The following FRMD6 variants were observed in gnomAD, a reference collection of about 807,000 sequenced individuals.
FRMD6 encodes FERM domain-containing protein 6.
Under a neutral mutation model 73.2 loss-of-function variants are expected in FRMD6, and 37 were observed. The ratio of observed to expected loss-of-function variants is 0.51; its 90% CI spans 0.39 to 0.66. FRMD6 has a LOEUF of 0.66. Among genes scored for constraint, FRMD6 ranks in the 30% least tolerant of loss-of-function variants. The pLI is 0.00. For synonymous variants in FRMD6, 273 were observed against 282.2 expected, an observed-to-expected ratio of 0.97 and a Z score of 0.33; for missense variants, 714 against 780.5, an observed-to-expected ratio of 0.91 and a Z score of 1.02.
At chr14:51,600,456 G>A (rs1889977376) in intron 2 of FRMD6, among the ~76,000 whole-genome samples, 1 of 152,178 alleles carries the variant, frequency 6.6e-6, no homozygotes, top group Non-Finnish European at 1.5e-5. Flanking sequence ...ATTACCAAAG[G>A]GAGAAGAGTT....
At chr14:51,721,077 G>C (rs182077650) in intron 11 of FRMD6, among the ~76,000 whole-genome samples, 138 of 152,268 alleles carry the variant, frequency 9.1e-4, no homozygotes, top group Middle Eastern at 6.8e-3. Context: ...TGTAGAATTT[G>C]TGTGGCTCTC....
intron 1 of FRMD6, among the ~76,000 whole-genome samples, chr14:51,564,016 A>G (rs959362186): frequency 6.6e-6 from 1 of 152,054 alleles, no homozygotes; most frequent in Non-Finnish European, 1.5e-5. Context: ...ATTACGGAAA[A>G]TTTCTTTCTG....
intron 1 of FRMD6, among the ~76,000 whole-genome samples, chr14:51,567,218 C>T (rs1215996266): frequency 6.6e-6 from 1 of 152,154 alleles, no homozygotes; most frequent in African/African-American, 2.4e-5. Context: ...TAAAATCTTC[C>T]AAGTTGTTAA....
intron 1 of FRMD6, among the ~76,000 whole-genome samples, chr14:51,553,370 C>G (rs1886946907): frequency 1.3e-5 from 2 of 152,184 alleles, no homozygotes; most frequent in South Asian, 4.1e-4. Context: ...CATCAAAACA[C>G]AAGCAGCAGA....
chr14:51,583,055 A>C (rs964707937), intron 2 of FRMD6, among the ~76,000 whole-genome samples: 1 of 152,210 alleles, frequency 6.6e-6, no homozygotes, highest in African/African-American at 2.4e-5. Context: ...TTTTCATTTT[A>C]TTATGTATTG....
At chr14:51,693,836 C>T (rs528388318) in intron 2 of FRMD6, among the ~76,000 whole-genome samples, 4 of 152,232 alleles carry the variant, frequency 2.6e-5, no homozygotes, top group African/African-American at 9.6e-5. Flanking sequence ...CTCCAGTAAG[C>T]GGTTGGACCA....
chr14:51,662,605 T>C (rs1480005317), intron 1 of FRMD6, among the ~76,000 whole-genome samples: 1 of 152,124 alleles, frequency 6.6e-6, no homozygotes, highest in African/African-American at 2.4e-5. Context: ...ATACACAAGA[T>C]TGAAATTGGA....
At chr14:51,513,037 A>G (rs553146287) in intron 1 of FRMD6, among the ~76,000 whole-genome samples, 8 of 152,306 alleles carry the variant, frequency 5.3e-5, no homozygotes, top group African/African-American at 1.9e-4. Context: ...CACTCTCTCA[A>G]AATTAGGAGG....
the FRMD6 span, among the ~76,000 whole-genome samples, chr14:51,421,166 C>T: frequency 2.0e-5 from 3 of 152,162 alleles, no homozygotes; most frequent in African/African-American, 7.2e-5. Context: ...GACAACTGTA[C>T]TGTATGTGTG....
At chr14:51,697,856 A>G (rs546011781) in intron 2 of FRMD6, 1 of 230,912 alleles carries the variant, frequency 4.3e-6, no homozygotes, top group Non-Finnish European at 8.5e-6. Flanking sequence ...TACTTTCTGA[A>G]ACTCATTTAT....
At chr14:51,455,214 C>G in the FRMD6 span, among the ~76,000 whole-genome samples, 5 of 152,162 alleles carry the variant, frequency 3.3e-5, no homozygotes, top group Non-Finnish European at 7.3e-5. Context: ...ATAGAGTATG[C>G]CTCCTAAGCT....
chr14:51,434,187 G>T, the FRMD6 span, among the ~76,000 whole-genome samples: 1 of 152,050 alleles, frequency 6.6e-6, no homozygotes, highest in Non-Finnish European at 1.5e-5. Context: ...TACACAGGTG[G>T]CATAAAGAAG....
intron 2 of FRMD6, among the ~76,000 whole-genome samples, chr14:51,591,688 G>A (rs10147115): frequency 0.022 from 3,373 of 152,160 alleles, 138 homozygotes; most frequent in African/African-American, 0.078. Context: ...GATTACAGGT[G>A]TGCGCCACCA....
intron 2 of FRMD6, among the ~76,000 whole-genome samples, chr14:51,595,741 C>T (rs1184673008): frequency 1.3e-5 from 2 of 152,170 alleles, no homozygotes; most frequent in African/African-American, 2.4e-5. Flanking sequence ...TTCCATATGG[C>T]TATAGACTAT....
the FRMD6 span, among the ~76,000 whole-genome samples, chr14:51,425,314 C>A: frequency 6.6e-6 from 1 of 152,116 alleles, no homozygotes; most frequent in East Asian, 1.9e-4. Flanking sequence ...GGACCTGTGA[C>A]CCCCTGAGGA....
intron 1 of FRMD6, among the ~76,000 whole-genome samples, chr14:51,540,080 G>A (rs1886122335): frequency 6.6e-6 from 1 of 152,142 alleles, no homozygotes; most frequent in South Asian, 2.1e-4. Context: ...AGTGGCAATA[G>A]TTAGAACGTG....
At chr14:51,544,576 T>C (rs1886364930) in intron 1 of FRMD6, among the ~76,000 whole-genome samples, 1 of 151,926 alleles carries the variant, frequency 6.6e-6, no homozygotes, top group Non-Finnish European at 1.5e-5. Context: ...ATTCCTCACG[T>C]TTGTGTCATG....
rs1206936626 is a variant in FRMD6 at position 51,730,151 on chromosome 14, TAAAG to T, written c.*2126_*2129del. On this transcript the variant is annotated 3_prime_UTR_variant, in exon 14 of 14. Coordinates refer to ENST00000344768, the MANE Select transcript of FRMD6 (RefSeq NM_001267046.2). ...AAAAGACATATTTAAGAAAGAAAGA[TAAAG>T]AAAAAACATATTTAATTACTGTAAA... 1 of 152,152 alleles carries T rather than the reference TAAAG, an allele frequency of 6.6e-6. No individual in the cohort carries two copies. The highest frequency in any genetic ancestry group is 6.5e-5 in the Admixed American group (1 of 15,274). 9.4% of individuals were successfully genotyped at this position (152,152 alleles called of 1,614,324 possible).
chr14:51,641,298 A>C (rs1406369740), intron 2 of FRMD6, among the ~76,000 whole-genome samples: 1 of 152,064 alleles, frequency 6.6e-6, no homozygotes, highest in African/African-American at 2.4e-5. Flanking sequence ...CTCCTTTAAG[A>C]CTTAATTTTT....
Sources: gnomAD v4.1 joint callset for allele counts (sites outside exome capture counted in the v4.1 genomes callset) on GRCh38, gnomAD v4.1.1 for gene constraint, MANE v1.5 for transcripts, NCBI Gene and HGNC (gene_info 2026-07-23, HGNC 2026-07-21) for gene names.